The following HOMER2 variants were observed in gnomAD, a reference collection of about 807,000 sequenced individuals.
HOMER2 encodes homer scaffold protein 2, also known as homer protein homolog 2.
In HOMER2, 27 loss-of-function variants were observed where a neutral mutation model predicts 47.0. The ratio of observed to expected loss-of-function variants is 0.57; its 90% CI spans 0.42 to 0.79. The LOEUF is 0.79. Ranked by LOEUF, HOMER2 falls within the 30% of genes least tolerant of loss-of-function variation. The pLI, the probability that HOMER2 is intolerant of heterozygous loss-of-function variation, is 0.00. For missense variants in HOMER2, 443 were observed against 435.0 expected (o/e 1.02, Z -0.16); for synonymous variants, 161 against 163.8 (o/e 0.98, Z 0.13).
chr15:82,952,681 G>GGCTGCCACT lies in HOMER2; in HGVS notation c.-155_-147dup, dbSNP rs1045069600. 34 of 991,424 alleles carry GGCTGCCACT rather than the reference G, an allele frequency of 3.4e-5. No individual in the cohort carries two copies. In the South Asian group the frequency reaches 3.7e-4, roughly 11 times the overall value. 61.4% of individuals were successfully genotyped at this position (991,424 alleles called of 1,614,324 possible). On this transcript the variant is annotated 5_prime_UTR_variant, in exon 1 of 9. Coordinates refer to ENST00000450735, the MANE Select transcript of HOMER2 (RefSeq NM_004839.4). ...GCCGCTCCATTCCGCGGGGCTGCGC[G>GGCTGCCACT]GCTGCCACTGCTGCCACTGCCGCCA...
chr15:82,935,013 G>A (rs1209710122), intron 1 of HOMER2, among the ~76,000 whole-genome samples: 3 of 151,916 alleles, frequency 2.0e-5, no homozygotes, highest in Non-Finnish European at 4.4e-5. Flanking sequence ...TCTCTGTCAT[G>A]GTGGCCTCCT....
chr15:82,910,678 A>G (rs1057182712), intron 1 of HOMER2, among the ~76,000 whole-genome samples: 13 of 152,170 alleles, frequency 8.5e-5, no homozygotes, highest in African/African-American at 3.1e-4. Flanking sequence ...CCAGATAAGG[A>G]GTTTGCCTCG....
intron 1 of HOMER2, among the ~76,000 whole-genome samples, chr15:82,935,511 C>G (rs1379366427): frequency 2.0e-5 from 3 of 152,114 alleles, no homozygotes; most frequent in Non-Finnish European, 4.4e-5. Flanking sequence ...CCCAGCTGAC[C>G]TCTCGGCTAA....
At chr15:82,906,308 G>A (rs528895657) in intron 1 of HOMER2, among the ~76,000 whole-genome samples, 12 of 152,090 alleles carry the variant, frequency 7.9e-5, no homozygotes, top group Non-Finnish European at 1.3e-4. Context: ...ATAGAAAACA[G>A]TAACAAATAT....
intron 3 of HOMER2, among the ~76,000 whole-genome samples, chr15:82,868,541 A>ATATATATTTTTTTTTTTT: frequency 2.8e-5 from 2 of 71,290 alleles, no homozygotes; most frequent in Non-Finnish European, 5.6e-5. Context: ...ATATATATAT[A>ATATATATTTTTTTTTTTT]TTTTTTTTTT....
chr15:82,903,341 G>C (rs1010159596), intron 1 of HOMER2, among the ~76,000 whole-genome samples: 1 of 152,064 alleles, frequency 6.6e-6, no homozygotes, highest in Non-Finnish European at 1.5e-5. Flanking sequence ...GGCTGGGTGC[G>C]GTGGCTCTCG....
chr15:82,848,671 T>C (rs2051291321), downstream of HOMER2, among the ~76,000 whole-genome samples: 1 of 152,172 alleles, frequency 6.6e-6, no homozygotes, highest in Admixed American at 6.5e-5. Flanking sequence ...AATCCTACCC[T>C]AGGTACCAAG....
chr15:82,857,422 C>CTT (rs71156058), intron 5 of HOMER2, among the ~76,000 whole-genome samples: 22 of 74,194 alleles, frequency 3.0e-4, no homozygotes, highest in South Asian at 5.8e-4. Context: ...GATGATACAG[C>CTT]TTTTTTTTTT....
intron 2 of HOMER2, among the ~76,000 whole-genome samples, chr15:82,878,871 A>G (rs2151077464): frequency 6.6e-6 from 1 of 152,292 alleles, no homozygotes; most frequent in East Asian, 1.9e-4. Flanking sequence ...CAACCAATCC[A>G]TCTGCCTCAG....
intron 1 of HOMER2, among the ~76,000 whole-genome samples, chr15:82,975,743 G>A (rs1404398745): frequency 6.6e-6 from 1 of 152,180 alleles, no homozygotes; most frequent in Non-Finnish European, 1.5e-5. Context: ...GGAAGGTGGG[G>A]ATAGTTAAAT....
intron 1 of HOMER2, among the ~76,000 whole-genome samples, chr15:82,965,504 A>G (rs770971615): frequency 9.9e-5 from 15 of 152,186 alleles, no homozygotes; most frequent in Non-Finnish European, 1.6e-4. Context: ...ACTATTCTCT[A>G]AAACCATAAA....
chr15:82,955,573 A>T (rs2054580020), upstream of HOMER2, among the ~76,000 whole-genome samples: 1 of 151,128 alleles, frequency 6.6e-6, no homozygotes, highest in African/African-American at 2.4e-5. Flanking sequence ...GACTTCAAAC[A>T]TTTTTTTTTC....
In HOMER2 at chr15:82,913,620, T is replaced by C. The variant is rs564233895; in HGVS notation, c.6-20779A>G. Among the ~76,000 whole-genome samples the C allele has an allele frequency of 6.6e-6, 1 of 152,132 alleles. No individual in the cohort carries two copies. The highest frequency in any genetic ancestry group is 1.9e-4 in the East Asian group (1 of 5,170). ...CAACACAAACCCCTGCTTAGAAGAG[T>C]AAACTATTGACGGTAGACAGCAGAT... On this transcript the variant is annotated intron_variant, in intron 1 of 8. Transcript: ENST00000450735. The surrounding 1 kb of genome is among the most constrained non-coding windows in gnomAD (Gnocchi z 4.1).
intron 1 of HOMER2, among the ~76,000 whole-genome samples, chr15:82,939,990 T>C (rs1357676497): frequency 2.0e-5 from 3 of 152,180 alleles, no homozygotes; most frequent in Non-Finnish European, 4.4e-5. Flanking sequence ...CACCGCATGT[T>C]CTCACTCATA....
chr15:82,844,176 A>C (rs1283654697), downstream of HOMER2: 5 of 152,220 alleles, frequency 3.3e-5, no homozygotes, highest in Non-Finnish European at 7.3e-5. Context: ...AGAATTAGTC[A>C]TAGGACCCTG....
chr15:82,909,751 T>C (rs1478333447), intron 1 of HOMER2, among the ~76,000 whole-genome samples: 1 of 152,248 alleles, frequency 6.6e-6, no homozygotes, highest in East Asian at 1.9e-4. Context: ...TTAACAACTT[T>C]TCCACTCTTG....
At chr15:82,879,640 G>A (rs1308133850) in intron 2 of HOMER2, among the ~76,000 whole-genome samples, 2 of 152,224 alleles carry the variant, frequency 1.3e-5, no homozygotes, top group Non-Finnish European at 2.9e-5. Flanking sequence ...TCAGCAAATT[G>A]TAATCTTTTT....
chr15:82,900,160 T>C (rs1028976010), intron 1 of HOMER2, among the ~76,000 whole-genome samples: 6 of 152,160 alleles, frequency 3.9e-5, no homozygotes, highest in Non-Finnish European at 7.3e-5. Flanking sequence ...CCAGGTACAA[T>C]TGTGTGCCCC....
At chr15:82,889,137 T>C (rs2151091147) in intron 2 of HOMER2, among the ~76,000 whole-genome samples, 1 of 152,274 alleles carries the variant, frequency 6.6e-6, no homozygotes, top group South Asian at 2.1e-4. Context: ...GTGCAGCCCA[T>C]GAGCTAAGAC....
Sources: gnomAD v4.1 joint callset for allele counts (sites outside exome capture counted in the v4.1 genomes callset) on GRCh38, gnomAD v4.1.1 for gene constraint, Gnocchi (gnomAD v3.1) non-coding constraint, MANE v1.5 for transcripts, NCBI Gene and HGNC (gene_info 2026-07-23, HGNC 2026-07-21) for gene names.